CEP170B: variants seen among roughly 807,000 people sequenced by gnomAD.
CEP170B encodes centrosomal protein of 170 kDa protein B.
A neutral mutation model predicts 120.6 loss-of-function variants in CEP170B; 55 were observed. The ratio of observed to expected loss-of-function variants is 0.46; its 90% CI spans 0.37 to 0.57. The LOEUF (loss-of-function observed/expected upper bound fraction) is 0.57. Among genes scored for constraint, CEP170B ranks in the 20% least tolerant of loss-of-function variants. The pLI is 0.00. For missense variants in CEP170B, 2,212 were observed against 2,253.3 expected (o/e 0.98, Z 0.37); for synonymous variants, 1,033 against 954.5 (o/e 1.08, Z -1.52).
At position 104,884,296 on chromosome 14, in the gene CEP170B, A is replaced by C. The variant is rs1896329564; in HGVS notation, c.1517A>C (p.Gln506Pro). ...RSRLAQDFMA[Q>P]CLRESSPAAR... ...CGCCTGGCCCAGGACTTCATGGCCC[A>C]GTGTCTGCGGGAGAGCTCCCCGGCC... The change falls in exon 9 of 19, where the codon CAG becomes CCG. Residue 506 changes from glutamine (Q) to proline (P), a missense_variant. Physicochemically the swap from Gln to Pro is moderately conservative, Grantham distance 76 (BLOSUM62 -1). Transcript: ENST00000414716. 3 of 1,543,866 alleles carry C rather than the reference A, an allele frequency of 1.9e-6. No individual in the cohort carries two copies. The highest frequency in any genetic ancestry group is 1.7e-6 in the Non-Finnish European group (2 of 1,145,238).
At position 104,883,497 on chromosome 14, in the gene CEP170B, G is replaced by A. The variant is rs768650007; in HGVS notation, c.1040G>A (p.Arg347His). Residue 347 changes from arginine (R) to histidine (H), a missense_variant, in exon 8 of 19, where the codon CGC (arginine) becomes CAC (histidine). This residue lies in a region of CEP170B where 2,166 missense variants were observed against 2,166.7 expected (regional missense o/e 1.00). Coordinates refer to ENST00000414716, the MANE Select transcript of CEP170B (RefSeq NM_001112726.3). ...AAGAGCGACCTGCCTGTCCACACCC[G>A]CACCCTGAAGGGTGAGTGCCCAGCT... ...STKSDLPVHT[R>H]TLKGHKHEDG... 10 of 1,544,016 alleles carry A rather than the reference G, an allele frequency of 6.5e-6. No homozygotes were observed. Among genetic ancestry groups the A allele is most frequent in the South Asian group, 1.2e-5 (1 of 83,390 alleles).
intron 13 of CEP170B, 74 bp from the exon 14 acceptor site, chr14:104,892,902 C>A: frequency 6.7e-7 from 1 of 1,496,290 alleles, no homozygotes; most frequent in Non-Finnish European, 9.1e-7. Flanking sequence ...CTGGGAGGGG[C>A]TTTGAGGCCT....
chr14:104,868,614 G>A lies in CEP170B; in HGVS notation c.105+59G>A. ...GGGGTAGACAGTCTGTCCCTGTGGA[G>A]GCCAGGAAGGTGCCCACCCCACTTG... On this transcript the variant is annotated intron_variant, in intron 2 of 18. Coordinates refer to ENST00000414716, the MANE Select transcript of CEP170B (RefSeq NM_001112726.3). This position sits in a 1 kb window ranked among gnomAD's most constrained non-coding sequence, Gnocchi z 5.9. 6.8e-7 allele frequency: 1 copy of A among 1,470,298 alleles called. No individual in the cohort carries two copies. The highest frequency in any genetic ancestry group is 2.0e-5 in the Admixed American group (1 of 48,904). 91.1% of individuals were successfully genotyped at this position (1,470,298 alleles called of 1,614,324 possible).
At chr14:104,885,892 G>A in intron 10 of CEP170B, 148 bp from the exon 11 acceptor site, 1 of 745,184 alleles carries the variant, frequency 1.3e-6, no homozygotes. Context: ...CCTTTGCAGG[G>A]GCACGCTTGC....
In CEP170B at chr14:104,876,339, C is replaced by T; in HGVS notation, c.189C>T (p.Leu63=). 3 of 1,550,854 alleles carry T rather than the reference C, an allele frequency of 1.9e-6. No individual in the cohort carries two copies. The East Asian group carries it at 7.3e-5, about 38-fold the overall frequency. The change falls in exon 3 of 19, where the codon CTC becomes CTT. Residue 63 remains leucine, a synonymous_variant. Coordinates refer to ENST00000414716, the MANE Select transcript of CEP170B (RefSeq NM_001112726.3). ...ACTGGGTGAAGGACCTGGGCAGCCT[C>T]AATGGGGTAAGTGTGAGAGGCCCTG... ...DEHWVKDLGS[L]NGTFVNDMRI...
intron 6 of CEP170B, 70 bp from the exon 7 acceptor site, chr14:104,882,658 C>T: frequency 2.3e-6 from 3 of 1,282,976 alleles, no homozygotes; most frequent in Non-Finnish European, 3.3e-6. Flanking sequence ...CTCTCCTGGG[C>T]TGCCAGTTCT....
At position 104,887,171 on chromosome 14, in the gene CEP170B, C is replaced by G; in HGVS notation, c.2932C>G (p.Pro978Ala). Residue 978 changes from proline to alanine, a missense_variant, in exon 12 of 19, where the codon CCT becomes GCT. Around this residue, in one of 2 missense-constraint regions of CEP170B, gnomAD observed 2,166 missense variants for 2,166.7 expected, o/e 1.00. Coordinates refer to ENST00000414716, the MANE Select transcript of CEP170B (RefSeq NM_001112726.3). ...CGGGCCCAGCCCCACAACCCCCCAG[C>G]CTCTGCGGGCACAGAAGGAGATGTC... Reference protein sequence around the residue: ...KSGPSPTTPQPLRAQKEMSPS... With the variant: ...KSGPSPTTPQALRAQKEMSPS... 6.2e-7 allele frequency: 1 copy of G among 1,607,996 alleles called. No individual in the cohort carries two copies. The highest frequency in any genetic ancestry group is 8.5e-7 in the Non-Finnish European group (1 of 1,179,746).
At chr14:104,889,119 C>G (rs1896662951) in intron 12 of CEP170B, among the ~76,000 whole-genome samples, 1 of 152,216 alleles carries the variant, frequency 6.6e-6, no homozygotes, top group African/African-American at 2.4e-5. Context: ...TGCGCTCTGA[C>G]TGGTCCTTGC....
Position 104,887,228 on chromosome 14 carries a change from G to A in CEP170B, c.2989G>A (p.Gly997Ser). The A allele has an allele frequency of 6.2e-7, 1 of 1,606,212 alleles. No individual in the cohort carries two copies. The change falls in exon 12 of 19, where the codon GGC becomes AGC. Residue 997 changes from glycine (G) to serine (S), a missense_variant. Physicochemically the swap from Gly to Ser is moderately conservative, Grantham distance 56 (BLOSUM62 0). Coordinates refer to ENST00000414716, the MANE Select transcript of CEP170B (RefSeq NM_001112726.3). ...PSPPAAQDPG[G>S]TALVSAREQS... ...CCCGCCAGCTGCACAGGACCCGGGA[G>A]GCACCGCCCTGGTCAGTGCCCGTGA...
At chr14:104,890,992 G>T (rs1896831487) in intron 13 of CEP170B, among the ~76,000 whole-genome samples, 1 of 106,592 alleles carries the variant, frequency 9.4e-6, no homozygotes, top group Non-Finnish European at 1.9e-5. Context: ...TGGATGGGTG[G>T]GTGGGTGTGG....
In CEP170B at chr14:104,894,907, C is replaced by A; in HGVS notation, c.4614C>A (p.Pro1538=). 6.3e-7 allele frequency: 1 copy of A among 1,598,144 alleles called. No homozygotes were observed. The highest frequency in any genetic ancestry group is 2.3e-5 in the East Asian group (1 of 44,028). The change falls in exon 19 of 19, where the codon CCC becomes CCA. Residue 1538 remains proline (P), a synonymous_variant. Transcript: ENST00000414716. ...NFPQRASCGP[P]SLPDPTFLPD... Reference sequence around the variant, plus strand: ...CACAGCGGGCCAGCTGTGGGCCTCCCAGCCTCCCGGACCCCACCTTCCTCC... The same window carrying A: ...CACAGCGGGCCAGCTGTGGGCCTCCAAGCCTCCCGGACCCCACCTTCCTCC...
intron 14 of CEP170B, 62 bp from the exon 15 acceptor site, chr14:104,893,461 G>A (rs889488975): frequency 2.0e-5 from 31 of 1,551,868 alleles, no homozygotes; most frequent in Non-Finnish European, 2.6e-5. Flanking sequence ...GCAGGGAGGT[G>A]CAGCCACAGC....
chr14:104,865,428 CGGGCCGAGCT>C lies in CEP170B; in HGVS notation c.-109_-100del, dbSNP rs1157008803. Reference sequence around the variant, plus strand: ...GCGGGCGCGAGGGCAGGGACCGAGCCGGGCCGAGCTGGGGAACAAGCCGGGGACCAAGCCG... The same window carrying C: ...GCGGGCGCGAGGGCAGGGACCGAGCCGGGGAACAAGCCGGGGACCAAGCCG... On this transcript the variant is annotated 5_prime_UTR_variant, in exon 1 of 19. Coordinates refer to ENST00000414716, the MANE Select transcript of CEP170B (RefSeq NM_001112726.3). The surrounding 1 kb of genome is among the most constrained non-coding windows in gnomAD (Gnocchi z 6.7). The C allele has an allele frequency of 6.7e-6, 1 of 149,814 alleles. No homozygotes were observed. The highest frequency in any genetic ancestry group is 1.5e-5 in the Non-Finnish European group (1 of 67,348). 9.3% of individuals were successfully genotyped at this position (149,814 alleles called of 1,614,324 possible).
Position 104,867,859 on chromosome 14 carries a change from C to A in CEP170B, c.-27-565C>A, listed in dbSNP as rs2841223. Among the ~76,000 whole-genome samples the A allele has an allele frequency of 0.61, 91,787 of 149,300 alleles. 28,369 individuals carry two copies. Among genetic ancestry groups the A allele is most frequent in the Middle Eastern group, 0.78 (226 of 290 alleles). On this transcript the variant is annotated intron_variant, in intron 1 of 18. Coordinates refer to ENST00000414716, the MANE Select transcript of CEP170B (RefSeq NM_001112726.3). This position sits in a 1 kb window ranked among gnomAD's most constrained non-coding sequence, Gnocchi z 5.4. Reference sequence around the variant, plus strand: ...CCTCCTCTCGGTGGTGGACATATTGCTGACTCAGGGCCCCTGTCTCCAGCT... The same window carrying A: ...CCTCCTCTCGGTGGTGGACATATTGATGACTCAGGGCCCCTGTCTCCAGCT...
At chr14:104,882,883 T>C (rs2028415) in intron 7 of CEP170B, 51 bp downstream of exon 7, 61 of 1,562,634 alleles carry the variant, frequency 3.9e-5, no homozygotes, top group Non-Finnish European at 5.0e-5. Flanking sequence ...CAGAGGGTGG[T>C]GTGTGAAGGG....
chr14:104,883,038 GC>G lies in CEP170B; in HGVS notation c.585del (p.Lys196ArgfsTer86). 6.6e-7 allele frequency: 1 copy of G among 1,514,746 alleles called. No homozygotes were observed. Among genetic ancestry groups the G allele is most frequent in the Non-Finnish European group, 8.8e-7 (1 of 1,131,570 alleles). The allele number at this position is 1,514,746 out of a possible 1,614,324, so 93.8% of individuals were successfully genotyped here. A position where few individuals can be genotyped will look rare whatever the true frequency, so the allele number is the denominator to read the frequency against. ...AQRQGEPYPE[R>X]PKGPVQQDGE... Reference sequence around the variant, plus strand: ...TGAAGACATCTTCCCACACCAGAGCGCCCCAAGGGACCAGTGCAGCAGGACG... The same window carrying G: ...TGAAGACATCTTCCCACACCAGAGCGCCCAAGGGACCAGTGCAGCAGGACG... On this transcript the variant is annotated frameshift_variant, in exon 8 of 19. Transcript: ENST00000414716. LOFTEE classifies it high-confidence loss of function.
chr14:104,877,736 C>T (rs1223133773), intron 3 of CEP170B, 149 bp from the exon 4 acceptor site: 1 of 642,758 alleles, frequency 1.6e-6, no homozygotes, highest in African/African-American at 1.8e-5. Context: ...GCTGCACAGG[C>T]CATCACTCGC....
chr14:104,888,703 C>T (rs1288136790), intron 12 of CEP170B, among the ~76,000 whole-genome samples: 1 of 152,250 alleles, frequency 6.6e-6, no homozygotes, highest in Non-Finnish European at 1.5e-5. Flanking sequence ...CTGCTACTGC[C>T]TTCTGCCCTG....
At position 104,872,176 on chromosome 14, in the gene CEP170B, C is replaced by CGT. The variant is rs1383889305; in HGVS notation, c.105+3629_105+3630dup. Among the ~76,000 whole-genome samples, 150 of 129,872 alleles carry CGT rather than the reference C, an allele frequency of 1.2e-3. 2 individuals are homozygous for CGT. Among genetic ancestry groups the CGT allele is most frequent in the African/African-American group, 4.2e-3 (141 of 33,696 alleles). The allele number at this position is 129,872 out of a possible 152,430, so 85.2% of individuals were successfully genotyped here. A position where few individuals can be genotyped will look rare whatever the true frequency, so the allele number is the denominator to read the frequency against. On this transcript the variant is annotated intron_variant, in intron 2 of 18. Coordinates refer to ENST00000414716, the MANE Select transcript of CEP170B (RefSeq NM_001112726.3). ...TGTGCGTGTGTGCCGCGTGTGTGTG[C>CGT]GTGTGTGTGCTGTGTGTGTGCCGTG...
Sources: gnomAD v4.1 joint callset for allele counts (sites outside exome capture counted in the v4.1 genomes callset) on GRCh38, gnomAD v4.1.1 for gene constraint, gnomAD v4.1.1 regional missense constraint, Gnocchi (gnomAD v3.1) non-coding constraint, MANE v1.5 for transcripts, NCBI Gene and HGNC (gene_info 2026-07-23, HGNC 2026-07-21) for gene names.